CYP4F8: variants seen among roughly 807,000 people sequenced by gnomAD.
CYP4F8 encodes cytochrome P450 family 4 subfamily F member 8, also known as cytochrome P450 4F8.
A neutral mutation model predicts 55.0 loss-of-function variants in CYP4F8; 56 were observed. That is an observed-to-expected ratio of 1.02 (90% CI 0.82 to 1.27). The LOEUF (loss-of-function observed/expected upper bound fraction) is 1.27. Among genes scored for constraint, CYP4F8 ranks in the 50% most tolerant of loss-of-function variants. CYP4F8 has a pLI of 0.00. For missense variants in CYP4F8, 680 were observed against 682.4 expected, an observed-to-expected ratio of 1.00 and a Z score of 0.04; for synonymous variants, 288 against 267.3, an observed-to-expected ratio of 1.08 and a Z score of -0.76.
chr19:15,617,400 CT>C (rs1203157074), intron 2 of CYP4F8, among the ~76,000 whole-genome samples: 6 of 152,176 alleles, frequency 3.9e-5, no homozygotes, highest in African/African-American at 1.4e-4. Flanking sequence ...CCTCTAAAGC[CT>C]GCAGTGGGAC....
In CYP4F8 at chr19:15,619,552, C is replaced by G. The variant is rs750811508; in HGVS notation, c.397+9C>G. ...CCTGAAGCCCTGGCTGGGTAAGTAA[C>G]TGTAGGTGGACGGGACGGGGACCAA... On this transcript the variant is annotated intron_variant, in intron 4 of 12. Coordinates refer to ENST00000612078, the MANE Select transcript of CYP4F8 (RefSeq NM_007253.4). 6.2e-7 allele frequency: 1 copy of G among 1,614,056 alleles called. No homozygotes were observed. Among genetic ancestry groups the G allele is most frequent in the Non-Finnish European group, 8.5e-7 (1 of 1,180,032 alleles).
rs1386499943 is a variant in CYP4F8 at position 15,618,160 on chromosome 19, T to C, written c.343+16T>C. ...AATACCTCAGGTACTCCTGCAGAGC[T>C]TGTGGTGGTGGGCACAGGAGAACAT... On this transcript the variant is annotated intron_variant, in intron 3 of 12. Transcript: ENST00000612078. 6.2e-7 allele frequency: 1 copy of C among 1,614,070 alleles called. No homozygotes were observed. Among genetic ancestry groups the C allele is most frequent in the Non-Finnish European group, 8.5e-7 (1 of 1,179,940 alleles).
chr19:15,619,444 TC>T, intron 3 of CYP4F8, 45 bp from the exon 4 acceptor site: 1 of 1,610,378 alleles, frequency 6.2e-7, no homozygotes, highest in Non-Finnish European at 8.5e-7. Flanking sequence ...CCAAAGTCCC[TC>T]CTCTATTCCT....
chr19:15,616,254 G>GCTCACTCATTCCTCTCCTCC (rs1972120292), intron 2 of CYP4F8, among the ~76,000 whole-genome samples: 1 of 94,736 alleles, frequency 1.1e-5, no homozygotes, highest in African/African-American at 4.2e-5. Flanking sequence ...TCCTCTCCTC[G>GCTCACTCATTCCTCTCCTCC]CTCACTCATT....
In CYP4F8 at chr19:15,619,658, G is replaced by C; in HGVS notation, c.421G>C (p.Gly141Arg). ...WLGDGLLLSVGDKWRHHRRLL... is the reference protein window; with the variant it reads ...WLGDGLLLSVRDKWRHHRRLL... ...AGGGGATGGGCTCTTGTTAAGTGTT[G>C]GTGACAAGTGGAGACACCACCGTCG... is the stretch of plus-strand genomic sequence containing the variant. Residue 141 changes from glycine (G) to arginine (R), a missense_variant, in exon 5 of 13, where the codon GGT becomes CGT. Transcript: ENST00000612078. 1 of 1,614,176 alleles carries C rather than the reference G, an allele frequency of 6.2e-7. No individual in the cohort carries two copies.
At chr19:15,623,488 G>A (rs972074276) in intron 7 of CYP4F8, 113 bp downstream of exon 7, 29 of 1,476,160 alleles carry the variant, frequency 2.0e-5, no homozygotes, top group East Asian at 4.7e-5. Flanking sequence ...GAAGGTGCTC[G>A]AAGAAGGGAG....
chr19:15,629,150 T>G, intron 12 of CYP4F8, 43 bp from the exon 13 acceptor site: 1 of 1,540,616 alleles, frequency 6.5e-7, no homozygotes, highest in Non-Finnish European at 8.8e-7. Context: ...GGGGCCGGGA[T>G]CTGGGTCCTG....
chr19:15,628,469 C>T, intron 10 of CYP4F8, 34 bp downstream of exon 10: 1 of 1,613,430 alleles, frequency 6.2e-7, no homozygotes, highest in Admixed American at 1.7e-5. Flanking sequence ...GGGTCCTGGG[C>T]AGGGCGGTGG....
chr19:15,623,695 C>T lies in CYP4F8; in HGVS notation c.919-4C>T. ...ACTAGTGTGATTGGGGTTCTTGTCT[C>T]CAGGATAAAAATGGTAAAGAGTTGT... On this transcript the variant is annotated splice_polypyrimidine_tract_variant and splice_region_variant and intron_variant, in intron 7 of 12. Coordinates refer to ENST00000612078, the MANE Select transcript of CYP4F8 (RefSeq NM_007253.4). 6.2e-7 allele frequency: 1 copy of T among 1,613,990 alleles called. No homozygotes were observed. The highest frequency in any genetic ancestry group is 8.5e-7 in the Non-Finnish European group (1 of 1,179,970).
At position 15,628,583 on chromosome 19, in the gene CYP4F8, G is replaced by A; in HGVS notation, c.1302G>A (p.Trp434Ter). Residue 434 changes from tryptophan to a stop codon, truncating the protein, a stop_gained, in exon 11 of 13, where the codon TGG (tryptophan) becomes TGA (stop). Coordinates refer to ENST00000612078, the MANE Select transcript of CYP4F8 (RefSeq NM_007253.4). LOFTEE classifies it high-confidence loss of function. ...IFAIHHNPSV[W>*]PDPEVYDPFR... ...CAATCCATCACAACCCCTCAGTCTG[G>A]CCAGACCCTGAGGTGCTGCCCCTCC... 1 of 1,613,792 alleles carries A rather than the reference G, an allele frequency of 6.2e-7. No individual in the cohort carries two copies. The highest frequency in any genetic ancestry group is 1.1e-5 in the South Asian group (1 of 91,048).
rs776306266 is a variant in CYP4F8 at position 15,629,292 on chromosome 19, C to A, written c.1497C>A (p.Arg499=). The change falls in exon 13 of 13, where the codon CGC becomes CGA. Residue 499 remains arginine (R), a synonymous_variant. Transcript: ENST00000612078. Reference sequence around the variant, plus strand: ...TCCTGCCCGACCACAGGGAGCCACGCAGGACGCCGGAGATTGTTTTGCGTG... The same window carrying A: ...TCCTGCCCGACCACAGGGAGCCACGAAGGACGCCGGAGATTGTTTTGCGTG... ...FRILPDHREP[R]RTPEIVLRAE... 6.2e-7 allele frequency: 1 copy of A among 1,613,226 alleles called. No homozygotes were observed. The highest frequency in any genetic ancestry group is 1.7e-5 in the Admixed American group (1 of 59,882).
intron 12 of CYP4F8, 140 bp from the exon 13 acceptor site, chr19:15,629,053 A>T (rs1367813411): frequency 8.3e-6 from 11 of 1,327,756 alleles, no homozygotes; most frequent in Non-Finnish European, 1.0e-5. Flanking sequence ...GCAAGCCCAC[A>T]TGGGGGTCCC....
At chr19:15,628,944 G>C in intron 12 of CYP4F8, 101 bp downstream of exon 12, 1 of 1,373,698 alleles carries the variant, frequency 7.3e-7, no homozygotes, top group Non-Finnish European at 9.9e-7. Flanking sequence ...TCTGTGATAG[G>C]GGTTTTAAAG....
At chr19:15,620,212 A>C (rs1972176172) in intron 5 of CYP4F8, among the ~76,000 whole-genome samples, 1 of 152,124 alleles carries the variant, frequency 6.6e-6, no homozygotes, top group Admixed American at 6.5e-5. Flanking sequence ...TGCTTGTGCC[A>C]GCTCAGTTCT....
In CYP4F8 at chr19:15,615,759, T is replaced by C. The variant is rs1972107450; in HGVS notation, c.143T>C (p.Leu48Pro). Residue 48 changes from leucine to proline, a missense_variant, in exon 2 of 13, where the codon CTC becomes CCC. Physicochemically the swap from Leu to Pro is moderately conservative, Grantham distance 98. Coordinates refer to ENST00000612078, the MANE Select transcript of CYP4F8 (RefSeq NM_007253.4). Reference sequence around the variant, plus strand: ...GCCTTCTATCACAACGGCCGCCGCCTCCGGTGTTTCCCGCAGCCCCGGAAA... The same window carrying C: ...GCCTTCTATCACAACGGCCGCCGCCCCCGGTGTTTCCCGCAGCCCCGGAAA... ...TYAFYHNGRR[L>P]RCFPQPRKQN... 2 of 1,613,812 alleles carry C rather than the reference T, an allele frequency of 1.2e-6. No individual in the cohort carries two copies. The highest frequency in any genetic ancestry group is 2.2e-5 in the South Asian group (2 of 91,078).
At chr19:15,626,123 C>A (rs1972258689) in intron 9 of CYP4F8, among the ~76,000 whole-genome samples, 2 of 152,204 alleles carry the variant, frequency 1.3e-5, no homozygotes, top group Non-Finnish European at 2.9e-5. Flanking sequence ...GTCCTTTTCT[C>A]TTCAGTTCTG....
chr19:15,628,740 C>T, intron 11 of CYP4F8, 21 bp from the exon 12 acceptor site: 3 of 1,613,510 alleles, frequency 1.9e-6, no homozygotes, highest in African/African-American at 1.3e-5. Flanking sequence ...CATCAGCAGC[C>T]TTAACTTGCC....
At chr19:15,625,469 A>G (rs1366805957) in intron 9 of CYP4F8, among the ~76,000 whole-genome samples, 4 of 150,934 alleles carry the variant, frequency 2.7e-5, no homozygotes, top group Non-Finnish European at 4.4e-5. Context: ...AACCATATAT[A>G]TATATGCCTA....
rs1972290758 is a variant in CYP4F8, at chr19:15,628,450, AG to A, written c.1249+19del. On this transcript the variant is annotated intron_variant, in intron 10 of 12. Transcript: ENST00000612078. ...CATCCCCAAAGGTGCCCTCCATGGC[AG>A]GGGAGGAGGGTCCTGGGCAGGGCGG... 2 of 1,613,718 alleles carry A rather than the reference AG, an allele frequency of 1.2e-6. No homozygotes were observed. The highest frequency in any genetic ancestry group is 2.2e-5 in the East Asian group (1 of 44,868).
Sources: gnomAD v4.1 joint callset for allele counts (sites outside exome capture counted in the v4.1 genomes callset) on GRCh38, gnomAD v4.1.1 for gene constraint, MANE v1.5 for transcripts, NCBI Gene and HGNC (gene_info 2026-07-23, HGNC 2026-07-21) for gene names.